Variants in TNS2 observed in about 807,000 individuals in gnomAD.
TNS2 encodes the protein tensin-2.
Under a neutral mutation model 155.7 loss-of-function variants are expected in TNS2, and 77 were observed. The ratio of observed to expected loss-of-function variants is 0.49; its 90% CI spans 0.41 to 0.60. TNS2 has a LOEUF of 0.60. TNS2 is among the 20% of genes least tolerant of loss of function. The pLI is 0.00. For synonymous variants in TNS2, 726 were observed against 763.9 expected, an observed-to-expected ratio of 0.95 and a Z score of 0.82; for missense variants, 1,703 against 1,868.8, an observed-to-expected ratio of 0.91 and a Z score of 1.64.
At position 53,059,043 on chromosome 12, in the gene TNS2, T is replaced by G; in HGVS notation, c.1406-4T>G. Reference sequence around the variant, plus strand: ...CTCCCTCCCTGATCCTCTTCCCCACTCAGGCTCCTTGACCCACACCCGGGG... The same window carrying G: ...CTCCCTCCCTGATCCTCTTCCCCACGCAGGCTCCTTGACCCACACCCGGGG... On this transcript the variant is annotated splice_region_variant and splice_polypyrimidine_tract_variant and intron_variant, in intron 17 of 28. Coordinates refer to ENST00000314250, the MANE Select transcript of TNS2 (RefSeq NM_170754.4). The surrounding 1 kb of genome is among the most constrained non-coding windows in gnomAD (Gnocchi z 4.7). 1 of 1,533,586 alleles carries G rather than the reference T, an allele frequency of 6.5e-7. No individual in the cohort carries two copies. Among genetic ancestry groups the G allele is most frequent in the Non-Finnish European group, 8.8e-7 (1 of 1,141,512 alleles). The allele number at this position is 1,533,586 out of a possible 1,614,324, so 95.0% of individuals were successfully genotyped here.
At chr12:53,061,619 C>T (rs1944387809) in intron 21 of TNS2, 150 bp downstream of exon 21, 3 of 1,334,146 alleles carry the variant, frequency 2.2e-6, no homozygotes, top group African/African-American at 2.9e-5. Flanking sequence ...TGATTCTGGG[C>T]TTTGGGCCAA....
chr12:53,048,584 G>A (rs917859405), upstream of TNS2, among the ~76,000 whole-genome samples: 1 of 152,202 alleles, frequency 6.6e-6, no homozygotes, highest in Non-Finnish European at 1.5e-5. Context: ...GCAGGATGGG[G>A]GTGGGTCACA....
In TNS2 at chr12:53,061,036, G is replaced by C; in HGVS notation, c.3130G>C (p.Ala1044Pro). 1 of 1,613,712 alleles carries C rather than the reference G, an allele frequency of 6.2e-7. No individual in the cohort carries two copies. The change falls in exon 20 of 29, where the codon GCC becomes CCC. Residue 1044 changes from alanine (A) to proline (P), a missense_variant. By Grantham distance (27) the Ala-to-Pro change is conservative. Coordinates refer to ENST00000314250, the MANE Select transcript of TNS2 (RefSeq NM_170754.4). ...PVPSQMPWLVASPEPPQSSPT... is the reference protein window; with the variant it reads ...PVPSQMPWLVPSPEPPQSSPT... ...GCCTTCCCAGATGCCCTGGCTTGTG[G>C]CCAGCCCAGAGCCGCCTCAGAGCTC...
Position 53,050,251 on chromosome 12 carries a change from C to T in TNS2, c.66C>T (p.Ala22=), listed in dbSNP as rs770513070. 1.0e-5 allele frequency: 16 copies of T among 1,607,492 alleles called. No homozygotes were observed. Among genetic ancestry groups the T allele is most frequent in the South Asian group, 6.7e-5 (6 of 89,950 alleles). The change falls in exon 1 of 29, where the codon GCC becomes GCT. Residue 22 remains alanine, a synonymous_variant. Coordinates refer to ENST00000314250, the MANE Select transcript of TNS2 (RefSeq NM_170754.4). The surrounding 1 kb of genome is among the most constrained non-coding windows in gnomAD (Gnocchi z 4.7). The part of the protein sequence containing the change: ...RALGRRDSSR[A]ASRPRKAEPH... ...TGGGGAGGAGGGACAGCAGCCGGGC[C>T]GCAAGCAGGGTAGGAGTGCCCACCA...
At chr12:53,053,873 T>C in intron 5 of TNS2, 61 bp downstream of exon 5, 1 of 1,613,904 alleles carries the variant, frequency 6.2e-7, no homozygotes, top group Non-Finnish European at 8.5e-7. Flanking sequence ...GATCTAGATT[T>C]CCTGAAGACA....
At chr12:53,053,598 T>A in intron 4 of TNS2, 149 bp downstream of exon 4, 2 of 1,355,104 alleles carry the variant, frequency 1.5e-6, no homozygotes, top group Non-Finnish European at 2.0e-6. Context: ...AAAAACTGTC[T>A]GAGTCCTCTG....
rs774682450 is a variant in TNS2, at chr12:53,060,740, C to G, written c.2834C>G (p.Ala945Gly). 1.2e-6 allele frequency: 2 copies of G among 1,609,858 alleles called. No homozygotes were observed. Among genetic ancestry groups the G allele is most frequent in the Non-Finnish European group, 1.7e-6 (2 of 1,177,548 alleles). Residue 945 changes from alanine to glycine, a missense_variant, in exon 20 of 29, where the codon GCC (alanine) becomes GGC (glycine). Transcript: ENST00000314250. The surrounding 1 kb of genome is among the most constrained non-coding windows in gnomAD (Gnocchi z 6.1). Reference sequence around the variant, plus strand: ...ACTCAGAGACTGAGTCCTGGCGAGGCCTTGCCCCCTGTTTCCCAGGCAGGC... The same window carrying G: ...ACTCAGAGACTGAGTCCTGGCGAGGGCTTGCCCCCTGTTTCCCAGGCAGGC... ...APTQRLSPGE[A>G]LPPVSQAGTG...
intron 14 of TNS2, 101 bp from the exon 15 acceptor site, chr12:53,058,215 T>C (rs530198425): frequency 1.3e-3 from 2,060 of 1,604,526 alleles, no homozygotes; most frequent in Non-Finnish European, 1.7e-3. Flanking sequence ...GAGATCACCT[T>C]GAGATCGAGG....
chr12:53,059,274 C>G lies in TNS2; in HGVS notation c.1633C>G (p.Leu545Val). Residue 545 changes from leucine to valine, a missense_variant, in exon 18 of 29, where the codon CTA becomes GTA. Coordinates refer to ENST00000314250, the MANE Select transcript of TNS2 (RefSeq NM_170754.4). The surrounding 1 kb of genome is among the most constrained non-coding windows in gnomAD (Gnocchi z 4.7). ...TGAACGGCAGGAGCTGGATCGCCTC[C>G]TAGGAGGCTGCGGAGTGGCCAGTGG... Reference protein sequence around the residue: ...AAERQELDRLLGGCGVASGGR... With the variant: ...AAERQELDRLVGGCGVASGGR... 6.7e-7 allele frequency: 1 copy of G among 1,497,868 alleles called. No homozygotes were observed. Among genetic ancestry groups the G allele is most frequent in the Non-Finnish European group, 8.9e-7 (1 of 1,128,402 alleles). 92.8% of individuals were successfully genotyped at this position (1,497,868 alleles called of 1,614,324 possible). A position where few individuals can be genotyped will look rare whatever the true frequency, so the allele number is the denominator to read the frequency against.
chr12:53,058,178 T>C (rs1944228930), intron 14 of TNS2, 76 bp downstream of exon 14: 4 of 1,611,154 alleles, frequency 2.5e-6, no homozygotes, highest in Non-Finnish European at 3.4e-6. Context: ...CAGTCACCAA[T>C]TTGAGACAGA....
chr12:53,058,309 C>T lies in TNS2; in HGVS notation c.1096-7C>T. On this transcript the variant is annotated splice_polypyrimidine_tract_variant and splice_region_variant and intron_variant, in intron 14 of 28. Transcript: ENST00000314250. The stretch of plus-strand genomic sequence containing the variant: ...GCCTGATCCGCAGCCTCCTGCCTTT[C>T]TCCCAGGTAACATGTTATCACAAGG... 1 of 1,613,912 alleles carries T rather than the reference C, an allele frequency of 6.2e-7. No individual in the cohort carries two copies. The highest frequency in any genetic ancestry group is 8.5e-7 in the Non-Finnish European group (1 of 1,179,892).
rs1943909696 is a variant in TNS2, at chr12:53,050,963, G to A, written c.75+703G>A. Among the ~76,000 whole-genome samples the A allele has an allele frequency of 6.6e-6, 1 of 152,142 alleles. No individual in the cohort carries two copies. ...GAACTCCAGAGGAGGGGGAATATGG[G>A]TAAAACAGAGAGATGGCAAGGAGAC... On this transcript the variant is annotated intron_variant, in intron 1 of 28. Transcript: ENST00000314250. The surrounding 1 kb of genome is among the most constrained non-coding windows in gnomAD (Gnocchi z 4.7).
At chr12:53,055,453 A>G in intron 8 of TNS2, 115 bp from the exon 9 acceptor site, 1 of 1,349,214 alleles carries the variant, frequency 7.4e-7, no homozygotes, top group Non-Finnish European at 1.0e-6. Context: ...ATCATGGACA[A>G]CCAGCAGACC....
intron 24 of TNS2, 51 bp from the exon 25 acceptor site, chr12:53,062,569 T>C (rs1592259911): frequency 6.2e-7 from 1 of 1,609,520 alleles, no homozygotes; most frequent in Non-Finnish European, 8.5e-7. Context: ...TGCTCCAGCC[T>C]GGGGAACACT....
At chr12:53,054,167 ACCCAGCAGGCTTCACCTGCTG>A in intron 6 of TNS2, 82 bp from the exon 7 acceptor site, 1 of 1,578,230 alleles carries the variant, frequency 6.3e-7, no homozygotes, top group South Asian at 1.1e-5. Context: ...CACCCTCAGG[ACCCAGCAGGCTTCACCTGCTG>A]CCCAACAGAC....
At chr12:53,053,201 A>G in intron 3 of TNS2, 1 of 559,662 alleles carries the variant, frequency 1.8e-6, no homozygotes, top group Non-Finnish European at 3.1e-6. Flanking sequence ...CTGGGGGCTG[A>G]GCGCCAAGAG....
rs1943895305 is a variant in TNS2 at position 53,050,566 on chromosome 12, C to A, written c.75+306C>A. On this transcript the variant is annotated intron_variant, in intron 1 of 28. Coordinates refer to ENST00000314250, the MANE Select transcript of TNS2 (RefSeq NM_170754.4). This position sits in a 1 kb window ranked among gnomAD's most constrained non-coding sequence, Gnocchi z 4.7. ...ACTGCAGGACTTTGCCATGCGCTAT[C>A]CAGGTATCCTCCAGCAGGCTCAGAG... is the stretch of plus-strand genomic sequence containing the variant. Among the ~76,000 whole-genome samples the A allele has an allele frequency of 6.6e-6, 1 of 151,998 alleles. No homozygotes were observed. Among genetic ancestry groups the A allele is most frequent in the African/African-American group, 2.4e-5 (1 of 41,356 alleles).
At position 53,060,563 on chromosome 12, in the gene TNS2, GA is replaced by G; in HGVS notation, c.2768+9del. On this transcript the variant is annotated intron_variant, in intron 19 of 28. Transcript: ENST00000314250. This position sits in a 1 kb window ranked among gnomAD's most constrained non-coding sequence, Gnocchi z 6.1. The stretch of plus-strand genomic sequence containing the variant: ...AGTCCAGGGCAAGGAAAGGTATGCA[GA>G]GGGGCCGGGGATGCTCGAGTGCTTT... 6 of 1,612,816 alleles carry G rather than the reference GA, an allele frequency of 3.7e-6. No homozygotes were observed. Among genetic ancestry groups the G allele is most frequent in the Non-Finnish European group, 5.1e-6 (6 of 1,179,748 alleles).
At chr12:53,057,502 T>G in intron 11 of TNS2, 65 bp from the exon 12 acceptor site, 1 of 1,226,242 alleles carries the variant, frequency 8.2e-7, no homozygotes, top group Non-Finnish European at 1.2e-6. Context: ...GGTGGATGGT[T>G]GAAATGATAC....
Sources: allele counts gnomAD v4.1 joint callset (sites outside exome capture counted in the v4.1 genomes callset), GRCh38; gene constraint gnomAD v4.1.1; non-coding constraint Gnocchi (gnomAD v3.1); transcripts MANE v1.5; gene names NCBI Gene and HGNC (gene_info 2026-07-23, HGNC 2026-07-21).